NRXN3: variants seen among roughly 807,000 people sequenced by gnomAD.
The protein encoded by NRXN3 is neurexin 3.
NRXN3 carries 32 observed loss-of-function variants against 137.6 expected under a neutral mutation model. That is an observed-to-expected ratio of 0.23 (90% CI 0.18 to 0.31). The LOEUF is 0.31. Among genes scored for constraint, NRXN3 ranks in the 10% least tolerant of loss-of-function variants. The probability of loss-of-function intolerance (pLI) is 1.00; values close to 1 mark genes in which losing one functional copy is unlikely to be tolerated. For synonymous variants in NRXN3, 798 were observed against 784.5 expected (o/e 1.02, Z -0.29); for missense variants, 1,574 against 2,062.5 (o/e 0.76, Z 4.59).
chr14:78,811,404 G>A (rs936412777), intron 10 of NRXN3, among the ~76,000 whole-genome samples: 1 of 152,140 alleles, frequency 6.6e-6, no homozygotes, highest in Non-Finnish European at 1.5e-5. Context: ...TGGTTGTGCA[G>A]TAGGTTTTAT....
chr14:79,188,016 A>C (rs1393485937), intron 15 of NRXN3, among the ~76,000 whole-genome samples: 3 of 152,208 alleles, frequency 2.0e-5, no homozygotes, highest in Non-Finnish European at 2.9e-5. Flanking sequence ...TTGCCTTTAC[A>C]TTTTTACCAT....
At chr14:78,544,999 G>T (rs2096624614) in intron 4 of NRXN3, among the ~76,000 whole-genome samples, 1 of 152,220 alleles carries the variant, frequency 6.6e-6, no homozygotes, top group Admixed American at 6.5e-5. Flanking sequence ...TCAGGCTGCA[G>T]CAGAGCCTGA....
At chr14:78,707,086 G>T (rs2098359436) in intron 6 of NRXN3, among the ~76,000 whole-genome samples, 1 of 152,138 alleles carries the variant, frequency 6.6e-6, no homozygotes, top group Non-Finnish European at 1.5e-5. Flanking sequence ...CCAAATAGCT[G>T]CGACTTTTGT....
intron 19 of NRXN3, among the ~76,000 whole-genome samples, chr14:79,728,596 T>C (rs1195074758): frequency 1.3e-5 from 2 of 152,184 alleles, no homozygotes; most frequent in African/African-American, 4.8e-5. Context: ...AGCCAGAACA[T>C]TGGTTCTCAG....
At chr14:79,614,728 GTAGA>G (rs558671975) in intron 16 of NRXN3, among the ~76,000 whole-genome samples, 58,440 of 151,620 alleles carry the variant, frequency 0.39, 15,527 homozygotes, top group African/African-American at 0.76. Context: ...CTCACAGCAA[GTAGA>G]CTAGACTGTA....
intron 15 of NRXN3, among the ~76,000 whole-genome samples, chr14:79,244,025 T>C (rs2074769737): frequency 6.6e-6 from 1 of 152,158 alleles, no homozygotes; most frequent in Non-Finnish European, 1.5e-5. Flanking sequence ...AAGGACCCAG[T>C]AATCATCCTT....
chr14:78,520,712 A>T (rs2096272818), intron 4 of NRXN3, among the ~76,000 whole-genome samples: 1 of 152,190 alleles, frequency 6.6e-6, no homozygotes, highest in South Asian at 2.1e-4. Flanking sequence ...CTAAGACTCA[A>T]ATATTCTCAT....
At chr14:79,139,523 C>G (rs553570858) in intron 15 of NRXN3, among the ~76,000 whole-genome samples, 3 of 152,108 alleles carry the variant, frequency 2.0e-5, no homozygotes, top group East Asian at 3.9e-4. Context: ...AGGTATAAGG[C>G]TACAATATTA....
At chr14:79,737,441 A>G (rs895005797) in intron 19 of NRXN3, among the ~76,000 whole-genome samples, 2 of 152,182 alleles carry the variant, frequency 1.3e-5, no homozygotes, top group Admixed American at 6.5e-5. Context: ...TTTTTAGTAA[A>G]ATGATTAAAA....
chr14:79,451,899 T>A (rs1349701210), intron 15 of NRXN3, among the ~76,000 whole-genome samples: 1 of 152,160 alleles, frequency 6.6e-6, no homozygotes, highest in African/African-American at 2.4e-5. Flanking sequence ...TAGAGAGTGA[T>A]GTGTCTGGGA....
intron 1 of NRXN3, among the ~76,000 whole-genome samples, chr14:78,219,196 A>G (rs984575445): frequency 2.0e-5 from 3 of 152,220 alleles, no homozygotes; most frequent in African/African-American, 7.2e-5. Context: ...TTCCTGTCCA[A>G]TATACAGGGT....
At chr14:78,675,535 T>A (rs1475874923) in intron 6 of NRXN3, among the ~76,000 whole-genome samples, 2 of 152,210 alleles carry the variant, frequency 1.3e-5, no homozygotes, top group Non-Finnish European at 2.9e-5. Context: ...CTTGATGAGT[T>A]AATTTTGCCC....
intron 16 of NRXN3, among the ~76,000 whole-genome samples, chr14:79,616,989 C>A (rs947615884): frequency 6.6e-6 from 1 of 152,078 alleles, no homozygotes; most frequent in Non-Finnish European, 1.5e-5. Context: ...CCTTAACCAC[C>A]AAGTCCTGAT....
At chr14:79,275,873 G>T (rs2080213220) in intron 15 of NRXN3, among the ~76,000 whole-genome samples, 1 of 152,072 alleles carries the variant, frequency 6.6e-6, no homozygotes, top group Admixed American at 6.6e-5. Context: ...TCCGTGGGGG[G>T]TTTATTCAAG....
At chr14:78,611,092 G>A (rs534389512) in intron 4 of NRXN3, among the ~76,000 whole-genome samples, 63 of 152,172 alleles carry the variant, frequency 4.1e-4, no homozygotes, top group African/African-American at 1.4e-3. Context: ...TTCCTGGCAG[G>A]TTCACCAAGA....
At chr14:79,160,682 C>A (rs1364704261) in intron 15 of NRXN3, among the ~76,000 whole-genome samples, 1 of 151,794 alleles carries the variant, frequency 6.6e-6, no homozygotes, top group Non-Finnish European at 1.5e-5. Flanking sequence ...AAAAAAAACA[C>A]TTGCCATCTG....
chr14:78,606,264 TCC>T (rs1333898826), intron 4 of NRXN3, among the ~76,000 whole-genome samples: 2 of 152,240 alleles, frequency 1.3e-5, no homozygotes, highest in African/African-American at 4.8e-5. Flanking sequence ...TGAATGACTT[TCC>T]CCTATGATTC....
chr14:79,304,068 C>G (rs1297157227), intron 15 of NRXN3, among the ~76,000 whole-genome samples: 2 of 152,084 alleles, frequency 1.3e-5, no homozygotes, highest in Non-Finnish European at 2.9e-5. Flanking sequence ...AAGAACTACA[C>G]AAGCAAGGGA....
At chr14:78,217,729 T>A (rs2063439116) in intron 1 of NRXN3, among the ~76,000 whole-genome samples, 1 of 152,230 alleles carries the variant, frequency 6.6e-6, no homozygotes, top group Admixed American at 6.5e-5. Context: ...CGGTGCGATC[T>A]TGGCTCACTG....
Sources: gnomAD v4.1 joint callset for allele counts (sites outside exome capture counted in the v4.1 genomes callset) on GRCh38, gnomAD v4.1.1 for gene constraint, MANE v1.5 for transcripts, NCBI Gene and HGNC (gene_info 2026-07-23, HGNC 2026-07-21) for gene names.